The following CTNNA2 variants were observed in gnomAD, a reference collection of about 807,000 sequenced individuals.
CTNNA2 encodes the protein catenin alpha-2.
In CTNNA2, 42 loss-of-function variants were observed where a neutral mutation model predicts 101.0. The observed-to-expected ratio is 0.42, with a 90% CI of 0.32 to 0.54. The LOEUF (loss-of-function observed/expected upper bound fraction) is 0.54, where lower values mean the gene tolerates loss of function less well. Ranked by LOEUF, CTNNA2 falls within the 20% of genes least tolerant of loss-of-function variation. The pLI is 0.14. For synonymous variants in CTNNA2, 450 were observed against 456.4 expected, an observed-to-expected ratio of 0.99 and a Z score of 0.18; for missense variants, 871 against 1,223.1, an observed-to-expected ratio of 0.71 and a Z score of 4.29.
intron 15 of CTNNA2, among the ~76,000 whole-genome samples, chr2:80,602,308 T>C (rs993834300): frequency 6.6e-6 from 1 of 152,012 alleles, no homozygotes; most frequent in Admixed American, 6.6e-5. Context: ...ATCAAGCAGA[T>C]TCAGGATCTA....
intron 7 of CTNNA2, among the ~76,000 whole-genome samples, chr2:80,046,889 A>G (rs1359220714): frequency 2.0e-5 from 3 of 152,244 alleles, no homozygotes; most frequent in Non-Finnish European, 4.4e-5. Context: ...TAATTTGCCC[A>G]GGTTAAGAGG....
intron 3 of CTNNA2, among the ~76,000 whole-genome samples, chr2:79,835,688 T>G (rs796133914): frequency 4.8e-4 from 64 of 133,696 alleles, no homozygotes; most frequent in South Asian, 2.6e-3. Context: ...TTTTTTTTTT[T>G]TTTTTTTTTT....
intron 1 of CTNNA2, among the ~76,000 whole-genome samples, chr2:79,640,873 G>C (rs1017911670): frequency 7.9e-5 from 12 of 152,142 alleles, no homozygotes; most frequent in South Asian, 2.1e-4. Context: ...TCAAACTAAT[G>C]TCAATTTCTT....
intron 7 of CTNNA2, among the ~76,000 whole-genome samples, chr2:79,996,152 A>G (rs1283734871): frequency 6.6e-6 from 1 of 152,186 alleles, no homozygotes. Context: ...GTCTTAATAA[A>G]CCTTAAAATG....
intron 7 of CTNNA2, among the ~76,000 whole-genome samples, chr2:80,163,655 G>A (rs961553069): frequency 6.6e-6 from 1 of 152,050 alleles, no homozygotes; most frequent in Non-Finnish European, 1.5e-5. Context: ...GATTGGTACT[G>A]TTGAGTTCTT....
intron 12 of CTNNA2, among the ~76,000 whole-genome samples, chr2:80,559,891 T>TATATATATATATATACACACACAC (rs1553387588): frequency 4.1e-5 from 6 of 146,888 alleles, no homozygotes; most frequent in African/African-American, 1.6e-4. Flanking sequence ...TATATATATA[T>TATATATATATATATACACACACAC]ACACACACAT....
At chr2:79,338,575 A>ATCTTCCTCTTCTTCTTCTTCT (rs1239699778) in intron 3 of CTNNA2, among the ~76,000 whole-genome samples, 1 of 115,422 alleles carries the variant, frequency 8.7e-6, no homozygotes, top group African/African-American at 3.4e-5. Flanking sequence ...CTTCCTCCTC[A>ATCTTCCTCTTCTTCTTCTTCT]TCATCTTCTT....
At chr2:80,271,718 A>G (rs1673506230) in intron 7 of CTNNA2, among the ~76,000 whole-genome samples, 1 of 152,158 alleles carries the variant, frequency 6.6e-6, no homozygotes, top group Admixed American at 6.5e-5. Flanking sequence ...CACCGTGCCC[A>G]GCCTATCCTC....
At chr2:79,743,693 C>G (rs1671455075) in intron 2 of CTNNA2, among the ~76,000 whole-genome samples, 1 of 151,802 alleles carries the variant, frequency 6.6e-6, no homozygotes, top group South Asian at 2.1e-4. Context: ...GCCACCAGGC[C>G]CAGCTAATTT....
At chr2:80,187,282 T>G (rs1347540873) in intron 7 of CTNNA2, among the ~76,000 whole-genome samples, 1 of 152,224 alleles carries the variant, frequency 6.6e-6, no homozygotes, top group African/African-American at 2.4e-5. Context: ...ACATCTGTTG[T>G]GTCTGAAAAG....
intron 13 of CTNNA2, among the ~76,000 whole-genome samples, chr2:80,577,063 A>G (rs886743730): frequency 6.6e-6 from 1 of 152,270 alleles, no homozygotes; most frequent in East Asian, 1.9e-4. Context: ...TATTAATTAG[A>G]AATAGTTCAG....
intron 3 of CTNNA2, among the ~76,000 whole-genome samples, chr2:79,337,606 A>G (rs1677022631): frequency 6.6e-6 from 1 of 152,178 alleles, no homozygotes. Flanking sequence ...TTCACAAACT[A>G]TACAACCCTA....
intron 7 of CTNNA2, among the ~76,000 whole-genome samples, chr2:80,043,780 A>G (rs553044881): frequency 6.6e-6 from 1 of 152,216 alleles, no homozygotes; most frequent in South Asian, 2.1e-4. Context: ...GTGGAAGAGA[A>G]GGTCAAACAA....
chr2:79,403,080 C>T (rs889860286), intron 4 of CTNNA2, among the ~76,000 whole-genome samples: 114 of 151,356 alleles, frequency 7.5e-4, no homozygotes, highest in African/African-American at 2.7e-3. Context: ...AAAATTCAAC[C>T]CAAAGAAATC....
At chr2:79,410,702 C>T (rs1359460442) in intron 4 of CTNNA2, among the ~76,000 whole-genome samples, 1 of 149,034 alleles carries the variant, frequency 6.7e-6, no homozygotes, top group Non-Finnish European at 1.5e-5. Flanking sequence ...TTCGGTTTGC[C>T]AGTATTTTAT....
intron 7 of CTNNA2, among the ~76,000 whole-genome samples, chr2:80,164,785 T>C (rs2148951547): frequency 6.6e-6 from 1 of 152,148 alleles, no homozygotes; most frequent in South Asian, 2.1e-4. Flanking sequence ...GAGCATGTAA[T>C]GGTTTCCTCC....
At chr2:80,525,352 T>A (rs1573133202) in intron 9 of CTNNA2, among the ~76,000 whole-genome samples, 1 of 151,952 alleles carries the variant, frequency 6.6e-6, no homozygotes, top group Non-Finnish European at 1.5e-5. Context: ...CCGGAAGTCT[T>A]TGGGGCCTCT....
chr2:80,638,354 T>C (rs1427691976), intron 18 of CTNNA2, among the ~76,000 whole-genome samples: 1 of 152,206 alleles, frequency 6.6e-6, no homozygotes, highest in Non-Finnish European at 1.5e-5. Context: ...CCATTGGCTC[T>C]TCTCTTTGTT....
In CTNNA2 at chr2:80,231,010, C is replaced by T. The variant is rs191476089; in HGVS notation, c.1057-162201C>T. Among the ~76,000 whole-genome samples the T allele has an allele frequency of 2.0e-3, 306 of 151,556 alleles. 1 individual carries two copies. The highest frequency in any genetic ancestry group is 3.3e-3 in the Non-Finnish European group (223 of 67,996). On this transcript the variant is annotated intron_variant, in intron 7 of 18. Coordinates refer to ENST00000402739, the MANE Select transcript of CTNNA2 (RefSeq NM_001282597.3). ...TTTATGGGCCAGAATCTCGCTCTGT[C>T]GTCCAGGCTGGAGTGCAGTGGTATG... is the stretch of plus-strand genomic sequence containing the variant.
Sources: allele counts gnomAD v4.1 joint callset (sites outside exome capture counted in the v4.1 genomes callset), GRCh38; gene constraint gnomAD v4.1.1; transcripts MANE v1.5; gene names NCBI Gene and HGNC (gene_info 2026-07-23, HGNC 2026-07-21).